Variants in ADAM12 observed in about 807,000 individuals in gnomAD.
ADAM12 encodes the protein disintegrin and metalloproteinase domain-containing protein 12.
A neutral mutation model predicts 106.4 loss-of-function variants in ADAM12; 70 were observed. The observed-to-expected ratio is 0.66, with a 90% CI of 0.54 to 0.80. The LOEUF (loss-of-function observed/expected upper bound fraction) is 0.80, where lower values mean the gene tolerates loss of function less well. ADAM12 is among the 30% of genes least tolerant of loss of function. The probability of loss-of-function intolerance (pLI) is 0.00; values close to 1 mark genes in which losing one functional copy is unlikely to be tolerated. For missense variants in ADAM12, 1,010 were observed against 1,171.9 expected (o/e 0.86, Z 2.02); for synonymous variants, 420 against 433.5 (o/e 0.97, Z 0.39).
At position 126,268,028 on chromosome 10, in the gene ADAM12, A is replaced by G. The variant is rs552435561; in HGVS notation, c.260+10887T>C. ...ATTGCATAATTCAGTGGCGTTAAGCACATTCACAATTTTGTACAACCATCA... is the reference window on the plus strand; with the variant it reads ...ATTGCATAATTCAGTGGCGTTAAGCGCATTCACAATTTTGTACAACCATCA... On this transcript the variant is annotated intron_variant, in intron 3 of 22. Transcript: ENST00000448723. Among the ~76,000 whole-genome samples, 57 of 152,300 alleles carry G rather than the reference A, an allele frequency of 3.7e-4. 1 individual carries two copies. The highest frequency in any genetic ancestry group is 2.6e-4 in the Admixed American group (4 of 15,300).
intron 3 of ADAM12, among the ~76,000 whole-genome samples, chr10:126,204,205 G>T (rs1269837854): frequency 6.6e-6 from 1 of 152,226 alleles, no homozygotes; most frequent in African/African-American, 2.4e-5. Flanking sequence ...CAGTGGATCT[G>T]CTGGGAAACT....
intron 2 of ADAM12, among the ~76,000 whole-genome samples, chr10:126,320,500 G>A (rs774269921): frequency 2.0e-5 from 3 of 152,138 alleles, no homozygotes; most frequent in Non-Finnish European, 4.4e-5. Flanking sequence ...TTTACATTTT[G>A]GTTGAACAAA....
At chr10:126,290,719 T>C (rs1960110697) in intron 2 of ADAM12, among the ~76,000 whole-genome samples, 1 of 152,174 alleles carries the variant, frequency 6.6e-6, no homozygotes, top group South Asian at 2.1e-4. Context: ...CAAAAAGGAA[T>C]ATTATACATT....
intron 1 of ADAM12, among the ~76,000 whole-genome samples, chr10:126,348,421 C>T (rs764669276): frequency 6.6e-6 from 1 of 152,064 alleles, no homozygotes; most frequent in Non-Finnish European, 1.5e-5. Flanking sequence ...AAGGAAGCTT[C>T]TTATATGGAA....
chr10:126,250,425 G>A (rs745881072), intron 3 of ADAM12, among the ~76,000 whole-genome samples: 2 of 151,978 alleles, frequency 1.3e-5, no homozygotes, highest in African/African-American at 4.8e-5. Flanking sequence ...TTTACCATAT[G>A]CCTAATAATG....
intron 21 of ADAM12, among the ~76,000 whole-genome samples, chr10:126,033,390 A>G (rs1028907525): frequency 2.0e-5 from 3 of 152,184 alleles, no homozygotes; most frequent in African/African-American, 4.8e-5. Context: ...ATTTCACCCT[A>G]TTTCTCCTGC....
chr10:126,039,622 C>T (rs368010979), intron 18 of ADAM12, among the ~76,000 whole-genome samples, 193 bp from the exon 19 acceptor site: 2 of 152,222 alleles, frequency 1.3e-5, no homozygotes, highest in African/African-American at 4.8e-5. Flanking sequence ...TACCATCATT[C>T]ATTTCTGACA....
At position 126,330,462 on chromosome 10, in the gene ADAM12, AG is replaced by A; in HGVS notation, c.135del (p.Ser46LeufsTer11). On this transcript the variant is annotated frameshift_variant, in exon 2 of 23. Transcript: ENST00000448723. LOFTEE classifies it high-confidence loss of function. ...NQGRADEVVS[A>X]SVGSGDLWIP... Reference sequence around the variant, plus strand: ...ATCCAGAGGTCCCCACTCCCAACAGAGGCACTGACAACTTCATCAGCTCTTC... The same window carrying A: ...ATCCAGAGGTCCCCACTCCCAACAGAGCACTGACAACTTCATCAGCTCTTC... The A allele has an allele frequency of 6.2e-7, 1 of 1,613,924 alleles. No homozygotes were observed. The highest frequency in any genetic ancestry group is 1.1e-5 in the South Asian group (1 of 91,054).
In ADAM12 at chr10:126,370,226, G is replaced by A. The variant is rs551667731; in HGVS notation, c.88+17832C>T. Among the ~76,000 whole-genome samples, 11 of 152,280 alleles carry A rather than the reference G, an allele frequency of 7.2e-5. No individual in the cohort carries two copies. The East Asian group carries it at 1.9e-3, about 27-fold the overall frequency. On this transcript the variant is annotated intron_variant, in intron 1 of 22. Coordinates refer to ENST00000448723, the MANE Select transcript of ADAM12 (RefSeq NM_001288973.2). ...ACCCAGATAAGTTGTGCCTAGATTC[G>A]TAACCCACAAAAGCTGTGAGATTGT... is the stretch of plus-strand genomic sequence containing the variant.
At chr10:126,114,386 C>G (rs1292315769) in intron 6 of ADAM12, among the ~76,000 whole-genome samples, 1 of 152,186 alleles carries the variant, frequency 6.6e-6, no homozygotes, top group Non-Finnish European at 1.5e-5. Context: ...GGAATCCACA[C>G]CTGGAAAACT....
At chr10:126,108,768 G>A in intron 7 of ADAM12, 104 bp from the exon 8 acceptor site, 1 of 1,027,878 alleles carries the variant, frequency 9.7e-7, no homozygotes, top group Non-Finnish European at 1.5e-6. Flanking sequence ...ACAAACCACT[G>A]GGGACCCTCC....
intron 2 of ADAM12, among the ~76,000 whole-genome samples, chr10:126,319,061 C>A (rs1234088183): frequency 6.6e-6 from 1 of 152,102 alleles, no homozygotes; most frequent in African/African-American, 2.4e-5. Context: ...GTGGGAATTA[C>A]AATTCAAAAT....
chr10:126,296,081 C>T (rs1271468579), intron 2 of ADAM12, among the ~76,000 whole-genome samples: 3 of 152,076 alleles, frequency 2.0e-5, no homozygotes, highest in African/African-American at 4.8e-5. Flanking sequence ...CATCCCCGTG[C>T]GTGGGGACCA....
At chr10:126,132,533 C>A (rs866255557) in intron 5 of ADAM12, among the ~76,000 whole-genome samples, 3,159 of 142,388 alleles carry the variant, frequency 0.022, 122 homozygotes, top group African/African-American at 0.077. Context: ...CACCCCCCCC[C>A]CCTCAACTAG....
At chr10:126,361,991 A>G (rs1385215467) in intron 1 of ADAM12, among the ~76,000 whole-genome samples, 1 of 152,186 alleles carries the variant, frequency 6.6e-6, no homozygotes, top group Non-Finnish European at 1.5e-5. Context: ...AACAGAATGA[A>G]GAGACAATGT....
chr10:126,170,245 G>T (rs1957095297), intron 3 of ADAM12, among the ~76,000 whole-genome samples: 2 of 152,090 alleles, frequency 1.3e-5, no homozygotes, highest in Admixed American at 6.5e-5. Context: ...CTCAGAGAGG[G>T]TCATGCTCTG....
At chr10:126,268,613 G>A (rs181233730) in intron 3 of ADAM12, among the ~76,000 whole-genome samples, 1 of 152,310 alleles carries the variant, frequency 6.6e-6, no homozygotes, top group African/African-American at 2.4e-5. Context: ...AACAATAGAA[G>A]TAAGAAACCA....
chr10:126,069,826 T>C (rs979240046), intron 12 of ADAM12, among the ~76,000 whole-genome samples: 1 of 151,828 alleles, frequency 6.6e-6, no homozygotes, highest in African/African-American at 2.4e-5. Flanking sequence ...AGAGAAATGG[T>C]GATGATGTTG....
chr10:126,245,197 C>T (rs1353600045), intron 3 of ADAM12, among the ~76,000 whole-genome samples: 1 of 152,238 alleles, frequency 6.6e-6, no homozygotes, highest in African/African-American at 2.4e-5. Context: ...GGAAAGGGCA[C>T]TTGTCTCTGT....
Sources: allele counts gnomAD v4.1 joint callset (sites outside exome capture counted in the v4.1 genomes callset), GRCh38; gene constraint gnomAD v4.1.1; transcripts MANE v1.5; gene names NCBI Gene and HGNC (gene_info 2026-07-23, HGNC 2026-07-21).